The following GPHN variants were observed in gnomAD, a reference collection of about 807,000 sequenced individuals.
GPHN encodes gephyrin.
In GPHN, 17 loss-of-function variants were observed where a neutral mutation model predicts 95.5. That is an observed-to-expected ratio of 0.18 (90% CI 0.12 to 0.27). The LOEUF (loss-of-function observed/expected upper bound fraction) is 0.27. GPHN is among the 10% of genes least tolerant of loss of function. The pLI, the probability that GPHN is intolerant of heterozygous loss-of-function variation, is 1.00. For missense variants in GPHN, 660 were observed against 978.1 expected (o/e 0.67, Z 4.34); for synonymous variants, 320 against 322.5 (o/e 0.99, Z 0.08).
At chr14:67,132,668 C>T (rs907926678) in intron 17 of GPHN, among the ~76,000 whole-genome samples, 4 of 151,910 alleles carry the variant, frequency 2.6e-5, no homozygotes, top group African/African-American at 9.7e-5. Context: ...TATCTTTAAG[C>T]GTTGCTATTG....
the GPHN span, among the ~76,000 whole-genome samples, chr14:67,658,809 A>G: frequency 6.6e-6 from 1 of 152,280 alleles, no homozygotes; most frequent in African/African-American, 2.4e-5. Flanking sequence ...GAAAATTTTA[A>G]GTACTTCATT....
At chr14:67,690,497 C>A in the GPHN span, 2 of 1,158,774 alleles carry the variant, frequency 1.7e-6, no homozygotes, top group Admixed American at 1.9e-5. Context: ...CAGGCCTCAC[C>A]TATGGGAGGC....
At chr14:66,614,699 A>G (rs2062928936) in intron 1 of GPHN, among the ~76,000 whole-genome samples, 1 of 151,612 alleles carries the variant, frequency 6.6e-6, no homozygotes, top group Non-Finnish European at 1.5e-5. Flanking sequence ...TTAATATTTC[A>G]TGATTAAACT....
intron 19 of GPHN, among the ~76,000 whole-genome samples, chr14:67,159,897 T>C (rs957161583): frequency 2.0e-5 from 3 of 152,044 alleles, no homozygotes; most frequent in African/African-American, 7.2e-5. Flanking sequence ...GGCTGGTTTG[T>C]TTAAAAGCAA....
At position 66,744,684 on chromosome 14, in the gene GPHN, A is replaced by G. The variant is rs80262717; in HGVS notation, c.144-31780A>G. Among the ~76,000 whole-genome samples the G allele has an allele frequency of 7.2e-4, 109 of 152,312 alleles. 1 individual carries two copies. The East Asian group carries it at 0.019, about 27-fold the overall frequency. The stretch of plus-strand genomic sequence containing the variant: ...TTTTCAGAATACTGAAAGATTAGGA[A>G]TTGTGGTTGACTGAGCATTTTGTTA... On this transcript the variant is annotated intron_variant, in intron 2 of 22. Transcript: ENST00000478722.
At chr14:67,167,489 C>T (rs1269469093) in intron 20 of GPHN, among the ~76,000 whole-genome samples, 1 of 152,062 alleles carries the variant, frequency 6.6e-6, no homozygotes, top group Non-Finnish European at 1.5e-5. Context: ...ATTTTTCCAT[C>T]GAAACTATTA....
the GPHN span, chr14:67,395,669 T>C: frequency 9.1e-7 from 1 of 1,097,544 alleles, no homozygotes. Flanking sequence ...CCCGGGAGAA[T>C]CTAGGTGACA....
At chr14:66,788,693 T>G (rs141505258) in intron 3 of GPHN, among the ~76,000 whole-genome samples, 273 of 152,226 alleles carry the variant, frequency 1.8e-3, no homozygotes, top group Non-Finnish European at 2.5e-3. Context: ...GTTTTGCCCT[T>G]TTGCCCAGGC....
chr14:67,128,351 G>A (rs1380237362), intron 17 of GPHN, among the ~76,000 whole-genome samples: 1 of 151,834 alleles, frequency 6.6e-6, no homozygotes, highest in Non-Finnish European at 1.5e-5. Flanking sequence ...CTGCCTCCCG[G>A]GTTCAAGTGA....
At chr14:67,221,807 G>C in the GPHN span, 1 of 1,613,066 alleles carries the variant, frequency 6.2e-7, no homozygotes, top group East Asian at 2.2e-5. Flanking sequence ...AAACACTTCA[G>C]GTATGGAACA....
the GPHN span, among the ~76,000 whole-genome samples, chr14:67,654,671 T>G: frequency 6.6e-6 from 1 of 152,180 alleles, no homozygotes; most frequent in Admixed American, 6.5e-5. Flanking sequence ...GGCCACAGTA[T>G]GTTTTTCAAA....
intron 8 of GPHN, among the ~76,000 whole-genome samples, chr14:66,955,694 T>TC (rs1253408156): frequency 1.6e-4 from 24 of 152,140 alleles, no homozygotes; most frequent in Admixed American, 1.4e-3. Context: ...CCTAATGCTA[T>TC]CCCTCCCCCC....
chr14:67,686,464 C>T, the GPHN span, among the ~76,000 whole-genome samples: 1 of 151,978 alleles, frequency 6.6e-6, no homozygotes, highest in South Asian at 2.1e-4. Flanking sequence ...CACAGTGAAA[C>T]CCCGTCTCTA....
chr14:67,724,996 C>A, the GPHN span: 2 of 1,305,518 alleles, frequency 1.5e-6, no homozygotes, highest in Non-Finnish European at 1.1e-6. Flanking sequence ...TGAAGGATGG[C>A]TGGGAGAATG....
At chr14:67,508,153 C>A in the GPHN span, among the ~76,000 whole-genome samples, 12 of 125,890 alleles carry the variant, frequency 9.5e-5, no homozygotes, top group Middle Eastern at 4.1e-3. Context: ...AAAAAAAGAG[C>A]AATGACTGGT....
Position 67,005,729 on chromosome 14 carries a change from A to G in GPHN, c.964-17904A>G, listed in dbSNP as rs150294173. ...ACACCCTTTGAATATGTGTTTTTGC[A>G]TCACTTTCGAATCTACCTTTTAAAG... On this transcript the variant is annotated intron_variant, in intron 9 of 22. Transcript: ENST00000478722. Among the ~76,000 whole-genome samples, 1,154 of 152,084 alleles carry G rather than the reference A, an allele frequency of 7.6e-3. 14 individuals carry two copies. The highest frequency in any genetic ancestry group is 7.7e-3 in the Non-Finnish European group (522 of 67,886).
At chr14:67,456,512 G>A in the GPHN span, among the ~76,000 whole-genome samples, 5 of 151,138 alleles carry the variant, frequency 3.3e-5, no homozygotes, top group African/African-American at 9.7e-5. Context: ...TGAGGCAGGA[G>A]AATCACTTGA....
the GPHN span, among the ~76,000 whole-genome samples, chr14:67,670,264 A>G: frequency 3.3e-5 from 5 of 152,224 alleles, no homozygotes; most frequent in African/African-American, 1.2e-4. Flanking sequence ...CTGACTTTCC[A>G]TATCAAGTCC....
chr14:67,376,238 T>G, the GPHN span, among the ~76,000 whole-genome samples: 1 of 152,232 alleles, frequency 6.6e-6, no homozygotes, highest in Non-Finnish European at 1.5e-5. Context: ...TGTGTTACTG[T>G]CAAGACTTGA....
Sources: allele counts gnomAD v4.1 joint callset (sites outside exome capture counted in the v4.1 genomes callset), GRCh38; gene constraint gnomAD v4.1.1; transcripts MANE v1.5; gene names NCBI Gene and HGNC (gene_info 2026-07-23, HGNC 2026-07-21).